The following SPAG16 variants were observed in gnomAD, a reference collection of about 807,000 sequenced individuals.
SPAG16 encodes the protein sperm associated antigen 16.
In SPAG16, 86 loss-of-function variants were observed where a neutral mutation model predicts 80.4. That is an observed-to-expected ratio of 1.07 (90% CI 0.90 to 1.28). SPAG16 has a LOEUF of 1.28. SPAG16 is among the 50% of genes most tolerant of loss of function. SPAG16 has a pLI of 0.00. For synonymous variants in SPAG16, 294 were observed against 265.9 expected, an observed-to-expected ratio of 1.11 and a Z score of -1.03; for missense variants, 870 against 765.3, an observed-to-expected ratio of 1.14 and a Z score of -1.61.
chr2:214,334,030 A>G (rs1576806487), intron 15 of SPAG16, among the ~76,000 whole-genome samples: 1 of 152,166 alleles, frequency 6.6e-6, no homozygotes, highest in Non-Finnish European at 1.5e-5. Flanking sequence ...GCTCCCATAT[A>G]GGTAATCTCT....
At chr2:214,129,924 T>TA (rs2054679868) in intron 14 of SPAG16, among the ~76,000 whole-genome samples, 1 of 152,110 alleles carries the variant, frequency 6.6e-6, no homozygotes, top group Non-Finnish European at 1.5e-5. Context: ...ACTCAATACT[T>TA]ACCGGTATTA....
intron 15 of SPAG16, among the ~76,000 whole-genome samples, chr2:214,249,426 G>A (rs1188234222): frequency 1.3e-5 from 2 of 152,024 alleles, no homozygotes; most frequent in Non-Finnish European, 2.9e-5. Context: ...GGAGGGAAAG[G>A]AGAAGGAGGA....
intron 10 of SPAG16, among the ~76,000 whole-genome samples, chr2:213,536,392 A>C (rs981942524): frequency 7.9e-5 from 12 of 152,140 alleles, no homozygotes; most frequent in Non-Finnish European, 1.3e-4. Flanking sequence ...TAGATCCCTG[A>C]GGAATCGCCA....
chr2:213,682,446 A>G (rs1228034332), intron 10 of SPAG16, among the ~76,000 whole-genome samples: 1 of 152,222 alleles, frequency 6.6e-6, no homozygotes, highest in East Asian at 1.9e-4. Flanking sequence ...AAGAAGAAAG[A>G]AACACAAAAA....
chr2:214,214,185 C>CTTTTTTTTTTTT (rs71399124), intron 15 of SPAG16, among the ~76,000 whole-genome samples: 1 of 140,056 alleles, frequency 7.1e-6, no homozygotes. Flanking sequence ...TTCCTTTTTA[C>CTTTTTTTTTTTT]TTTTTTTTTT....
intron 13 of SPAG16, among the ~76,000 whole-genome samples, chr2:214,021,262 C>G (rs1233056653): frequency 6.6e-6 from 1 of 152,086 alleles, no homozygotes; most frequent in Non-Finnish European, 1.5e-5. Flanking sequence ...TCCTAATCAT[C>G]AAAGGACTAG....
At chr2:214,097,130 G>A (rs2052644794) in intron 13 of SPAG16, among the ~76,000 whole-genome samples, 2 of 152,062 alleles carry the variant, frequency 1.3e-5, no homozygotes, top group South Asian at 2.1e-4. Flanking sequence ...TGGAAACTAA[G>A]GTAGTAGCCA....
At chr2:214,021,267 G>C (rs538867540) in intron 13 of SPAG16, among the ~76,000 whole-genome samples, 1 of 152,190 alleles carries the variant, frequency 6.6e-6, no homozygotes, top group South Asian at 2.1e-4. Flanking sequence ...ATCATCAAAG[G>C]ACTAGTGTAT....
At chr2:213,739,895 C>A (rs111449056) in intron 10 of SPAG16, among the ~76,000 whole-genome samples, 3,077 of 152,256 alleles carry the variant, frequency 0.02, 119 homozygotes, top group African/African-American at 0.07. Context: ...AGCCACTGTG[C>A]CTGGCCAAAA....
intron 10 of SPAG16, among the ~76,000 whole-genome samples, chr2:213,794,629 C>T (rs1559474631): frequency 6.6e-6 from 1 of 152,110 alleles, no homozygotes; most frequent in Non-Finnish European, 1.5e-5. Flanking sequence ...AAAGAACAAA[C>T]TATAGTTCAG....
intron 8 of SPAG16, among the ~76,000 whole-genome samples, chr2:213,371,141 GCT>G (rs932226043): frequency 2.0e-5 from 3 of 152,104 alleles, no homozygotes; most frequent in Non-Finnish European, 4.4e-5. Context: ...GTGCGTGGTG[GCT>G]CACGCCTGTA....
At chr2:213,421,371 AAG>A (rs939330880) in intron 9 of SPAG16, among the ~76,000 whole-genome samples, 1 of 152,210 alleles carries the variant, frequency 6.6e-6, no homozygotes, top group Non-Finnish European at 1.5e-5. Flanking sequence ...CAACAAACAC[AAG>A]AGAGAGGCCA....
intron 10 of SPAG16, among the ~76,000 whole-genome samples, chr2:213,742,946 C>T (rs894215666): frequency 4.6e-5 from 7 of 152,022 alleles, no homozygotes; most frequent in African/African-American, 1.7e-4. Context: ...CTCTGTCGCC[C>T]AGGCTGGAGT....
At chr2:214,025,996 A>T (rs142745716) in intron 13 of SPAG16, among the ~76,000 whole-genome samples, 302 of 151,670 alleles carry the variant, frequency 2.0e-3, no homozygotes, top group Middle Eastern at 3.4e-3. Context: ...TTGAAGGGAA[A>T]TTGACAATGT....
At chr2:214,009,231 C>A (rs777151899) in intron 12 of SPAG16, among the ~76,000 whole-genome samples, 2 of 152,220 alleles carry the variant, frequency 1.3e-5, no homozygotes, top group Non-Finnish European at 2.9e-5. Flanking sequence ...TTGTCAGCTA[C>A]CCTACACTCC....
At chr2:213,519,420 G>T (rs186774016) in intron 10 of SPAG16, among the ~76,000 whole-genome samples, 1 of 152,304 alleles carries the variant, frequency 6.6e-6, no homozygotes, top group South Asian at 2.1e-4. Context: ...TTCCTTTGCT[G>T]TTCTCATGAT....
intron 15 of SPAG16, among the ~76,000 whole-genome samples, chr2:214,295,612 G>A (rs571050731): frequency 1.3e-3 from 199 of 152,114 alleles, no homozygotes; most frequent in African/African-American, 4.7e-3. Flanking sequence ...CTAACATGGC[G>A]AAACCCCATC....
chr2:213,545,836 G>A (rs2076593845), intron 10 of SPAG16, among the ~76,000 whole-genome samples: 1 of 152,062 alleles, frequency 6.6e-6, no homozygotes, highest in African/African-American at 2.4e-5. Context: ...ATTTTAACTG[G>A]AGAATGCCAA....
chr2:214,066,863 T>C (rs1024050507), intron 13 of SPAG16, among the ~76,000 whole-genome samples: 1 of 152,192 alleles, frequency 6.6e-6, no homozygotes, highest in Non-Finnish European at 1.5e-5. Flanking sequence ...AATTATTCTT[T>C]GATTTCAACT....
Sources: gnomAD v4.1 joint callset for allele counts (sites outside exome capture counted in the v4.1 genomes callset) on GRCh38, gnomAD v4.1.1 for gene constraint, MANE v1.5 for transcripts, NCBI Gene and HGNC (gene_info 2026-07-23, HGNC 2026-07-21) for gene names.